The following SIPA1L3 variants were observed in gnomAD, a reference collection of about 807,000 sequenced individuals.
The protein encoded by SIPA1L3 is signal induced proliferation associated 1 like 3.
Under a neutral mutation model 150.1 loss-of-function variants are expected in SIPA1L3, and 59 were observed. The ratio of observed to expected loss-of-function variants is 0.39; its 90% CI spans 0.32 to 0.49. The LOEUF is 0.49. SIPA1L3 is among the 20% of genes least tolerant of loss of function. The pLI is 0.86. For synonymous variants in SIPA1L3, 1,070 were observed against 1,077.6 expected (o/e 0.99, Z 0.14); for missense variants, 2,211 against 2,489.5 (o/e 0.89, Z 2.38).
At chr19:38,006,719 C>G (rs139581769) in intron 1 of SIPA1L3, among the ~76,000 whole-genome samples, 1 of 152,252 alleles carries the variant, frequency 6.6e-6, no homozygotes, top group East Asian at 1.9e-4. Context: ...GCAGAACTGT[C>G]GCTTTGGAGG....
chr19:38,198,331 A>G, intron 18 of SIPA1L3, 58 bp from the exon 19 acceptor site: 1 of 1,439,112 alleles, frequency 6.9e-7, no homozygotes, highest in Non-Finnish European at 9.2e-7. Flanking sequence ...GTCTTCATGT[A>G]TTTGTGTCTC....
At chr19:37,939,269 C>G (rs914551003) in intron 1 of SIPA1L3, among the ~76,000 whole-genome samples, 7 of 151,962 alleles carry the variant, frequency 4.6e-5, no homozygotes, top group Non-Finnish European at 1.0e-4. Context: ...GCCATGGTGG[C>G]ACACACCTGT....
chr19:37,960,504 C>T (rs969733187), intron 1 of SIPA1L3, among the ~76,000 whole-genome samples: 15 of 150,814 alleles, frequency 9.9e-5, no homozygotes, highest in Admixed American at 2.0e-4. Flanking sequence ...GCTGGGTTCA[C>T]GCCATTCTCC....
At chr19:38,198,173 T>G (rs566179433) in intron 18 of SIPA1L3, among the ~76,000 whole-genome samples, 26 of 152,308 alleles carry the variant, frequency 1.7e-4, no homozygotes, top group African/African-American at 6.0e-4. Flanking sequence ...CCTCCTCCCC[T>G]TCAGAGTTTT....
chr19:38,198,746 G>A (rs1175795253), intron 19 of SIPA1L3, among the ~76,000 whole-genome samples: 1 of 152,230 alleles, frequency 6.6e-6, no homozygotes, highest in Non-Finnish European at 1.5e-5. Flanking sequence ...CCAACAAGCG[G>A]AAGTGACCAT....
intron 1 of SIPA1L3, among the ~76,000 whole-genome samples, chr19:37,953,018 T>A (rs922690619): frequency 1.3e-5 from 2 of 152,170 alleles, no homozygotes; most frequent in East Asian, 1.9e-4. Flanking sequence ...GATTACAAGG[T>A]CGGGAGATCC....
chr19:37,961,582 T>C (rs527768195), intron 1 of SIPA1L3, among the ~76,000 whole-genome samples: 26 of 152,324 alleles, frequency 1.7e-4, no homozygotes, highest in Admixed American at 5.9e-4. Context: ...TTGACTACGT[T>C]GTGTCCAGTG....
chr19:38,150,846 C>T (rs1229205457), intron 12 of SIPA1L3, among the ~76,000 whole-genome samples: 1 of 152,126 alleles, frequency 6.6e-6, no homozygotes, highest in Non-Finnish European at 1.5e-5. Flanking sequence ...TGGCTAATAT[C>T]AACATTATTA....
rs766137547 is a variant in SIPA1L3 at position 38,182,706 on chromosome 19, C to T, written c.4396C>T (p.Pro1466Ser). ...AGGGTGGAAGAGAACGGAGGAGCCC[C>T]CACCACGGCCACTCCCCTTCAGTGA... The part of the protein sequence containing the change: ...PTGWKRTEEP[P>S]PRPLPFSDPK... Residue 1466 changes from proline (P) to serine (S), a missense_variant, in exon 16 of 22, where the codon CCA becomes TCA. This residue lies in a region of SIPA1L3 where 806 missense variants were observed against 870.1 expected (regional missense o/e 0.93). Transcript: ENST00000222345. The T allele has an allele frequency of 6.2e-7, 1 of 1,613,848 alleles. No individual in the cohort carries two copies. Among genetic ancestry groups the T allele is most frequent in the Non-Finnish European group, 8.5e-7 (1 of 1,179,870 alleles).
chr19:37,946,550 G>GTATT (rs1368671873), intron 1 of SIPA1L3, among the ~76,000 whole-genome samples: 2 of 152,088 alleles, frequency 1.3e-5, no homozygotes, highest in Non-Finnish European at 2.9e-5. Flanking sequence ...TATTAATCAT[G>GTATT]TATTTCCTAG....
At chr19:37,924,414 C>CCT (rs146053614) in intron 1 of SIPA1L3, among the ~76,000 whole-genome samples, 21 of 138,412 alleles carry the variant, frequency 1.5e-4, no homozygotes, top group African/African-American at 5.6e-4. Flanking sequence ...TGTTTTACAG[C>CCT]TTTTTTTTTT....
intron 2 of SIPA1L3, among the ~76,000 whole-genome samples, chr19:38,073,492 T>C (rs987520240): frequency 6.6e-6 from 1 of 152,224 alleles, no homozygotes; most frequent in African/African-American, 2.4e-5. Context: ...CTCATTTTGC[T>C]GCTGTCTCCC....
chr19:38,036,815 T>TC (rs1968803091), intron 2 of SIPA1L3, among the ~76,000 whole-genome samples: 1 of 151,618 alleles, frequency 6.6e-6, no homozygotes, highest in South Asian at 2.1e-4. Context: ...TGACAGGAGC[T>TC]CCCCCCACTC....
intron 16 of SIPA1L3, among the ~76,000 whole-genome samples, chr19:38,188,377 G>T (rs966136967): frequency 6.6e-6 from 1 of 151,554 alleles, no homozygotes; most frequent in African/African-American, 2.4e-5. Flanking sequence ...TAGAGAAGGG[G>T]TTTTACCATG....
chr19:38,198,732 T>C (rs1443862281), intron 19 of SIPA1L3, among the ~76,000 whole-genome samples, 200 bp downstream of exon 19: 2 of 152,222 alleles, frequency 1.3e-5, no homozygotes, highest in Non-Finnish European at 2.9e-5. Context: ...GCGAACCACG[T>C]TGACCAACAA....
chr19:38,141,151 G>A (rs759872457), intron 10 of SIPA1L3, 33 bp from the exon 11 acceptor site: 30 of 1,543,456 alleles, frequency 1.9e-5, no homozygotes, highest in Non-Finnish European at 2.5e-5. Context: ...GGTGGGCTGG[G>A]GCCTTTCTGA....
rs910849059 is a variant in SIPA1L3, at chr19:37,949,055, C to G, written c.-379+41697C>G. Among the ~76,000 whole-genome samples the G allele has an allele frequency of 2.0e-5, 3 of 152,294 alleles. No individual in the cohort carries two copies. In the East Asian group the frequency reaches 5.8e-4, roughly 29 times the overall value. Reference sequence around the variant, plus strand: ...TTTGGTTGAAAATAACAGAAACCCACCTTAGACCCACCTAAGCCTCAAAGA... The same window carrying G: ...TTTGGTTGAAAATAACAGAAACCCAGCTTAGACCCACCTAAGCCTCAAAGA... On this transcript the variant is annotated intron_variant, in intron 1 of 21. Transcript: ENST00000222345.
intron 19 of SIPA1L3, among the ~76,000 whole-genome samples, chr19:38,199,383 C>T (rs535910202): frequency 1.3e-5 from 2 of 152,134 alleles, no homozygotes; most frequent in Admixed American, 6.5e-5. Context: ...CTGACCACTC[C>T]CCCGCAACCG....
intron 4 of SIPA1L3, among the ~76,000 whole-genome samples, chr19:38,090,069 C>T (rs1003687225): frequency 2.6e-5 from 4 of 152,164 alleles, no homozygotes; most frequent in African/African-American, 4.8e-5. Flanking sequence ...GTGGCTCACT[C>T]TTGTAATCCC....
Sources: allele counts gnomAD v4.1 joint callset (sites outside exome capture counted in the v4.1 genomes callset), GRCh38; gene constraint gnomAD v4.1.1; regional missense constraint gnomAD v4.1.1; transcripts MANE v1.5; gene names NCBI Gene and HGNC (gene_info 2026-07-23, HGNC 2026-07-21).